MTREX: variants seen among roughly 807,000 people sequenced by gnomAD.
MTREX encodes exosome RNA helicase MTR4.
MTREX carries 76 observed loss-of-function variants against 135.4 expected under a neutral mutation model. The observed-to-expected ratio is 0.56, with a 90% CI of 0.47 to 0.68. MTREX has a LOEUF of 0.68. MTREX is among the 30% of genes least tolerant of loss of function. The pLI is 0.00. For missense variants in MTREX, 920 were observed against 1,262.1 expected (o/e 0.73, Z 4.11); for synonymous variants, 404 against 401.6 (o/e 1.01, Z -0.07).
At chr5:55,397,081 T>G (rs568663441) in intron 19 of MTREX, among the ~76,000 whole-genome samples, 1 of 152,242 alleles carries the variant, frequency 6.6e-6, no homozygotes, top group Non-Finnish European at 1.5e-5. Context: ...CTTAGTACTA[T>G]AGTACCTTTA....
chr5:55,358,335 A>G (rs1490934156), intron 14 of MTREX, among the ~76,000 whole-genome samples: 2 of 152,190 alleles, frequency 1.3e-5, no homozygotes, highest in Admixed American at 6.5e-5. Context: ...CAAAATGATA[A>G]TAAGTCTAAA....
At chr5:55,419,519 G>C (rs1751021816) in intron 25 of MTREX, among the ~76,000 whole-genome samples, 1 of 152,158 alleles carries the variant, frequency 6.6e-6, no homozygotes, top group Admixed American at 6.5e-5. Context: ...AAAAATGACA[G>C]AATTTAGCTG....
intron 1 of MTREX, among the ~76,000 whole-genome samples, chr5:55,315,382 T>C (rs1303907112): frequency 6.6e-6 from 1 of 152,238 alleles, no homozygotes; most frequent in Non-Finnish European, 1.5e-5. Flanking sequence ...TTTTTTGTCA[T>C]GTTTTCTTCA....
intron 21 of MTREX, 82 bp from the exon 22 acceptor site, chr5:55,405,343 T>C: frequency 8.2e-7 from 1 of 1,217,150 alleles, no homozygotes; most frequent in Non-Finnish European, 1.2e-6. Flanking sequence ...TAAAAATATT[T>C]TTTGTTTGAT....
Position 55,425,410 on chromosome 5 carries a change from C to A in MTREX, c.*638C>A. The A allele has an allele frequency of 7.5e-7, 1 of 1,326,138 alleles. No individual in the cohort carries two copies. Among genetic ancestry groups the A allele is most frequent in the Admixed American group, 2.3e-5 (1 of 44,330 alleles). The allele number at this position is 1,326,138 out of a possible 1,614,324, so 82.1% of individuals were successfully genotyped here. ...ATACAAAGTTGTGATCAACAGCATC[C>A]TAAGATAAATATAAACAAAAGGATA... On this transcript the variant is annotated 3_prime_UTR_variant, in exon 27 of 27. Coordinates refer to ENST00000230640, the MANE Select transcript of MTREX (RefSeq NM_015360.5).
At chr5:55,364,793 A>C (rs1400831728) in intron 15 of MTREX, among the ~76,000 whole-genome samples, 1 of 151,026 alleles carries the variant, frequency 6.6e-6, no homozygotes, top group East Asian at 2.0e-4. Flanking sequence ...AAAAAGGGAG[A>C]GAGAACGCAG....
intron 1 of MTREX, among the ~76,000 whole-genome samples, chr5:55,310,174 G>C (rs1477044369): frequency 2.0e-5 from 3 of 152,102 alleles, no homozygotes; most frequent in African/African-American, 7.2e-5. Context: ...GTGAAAAGAG[G>C]AAATAAAAAT....
rs190476974 is a variant in MTREX, at chr5:55,393,421, C to T, written c.2182-3995C>T. On this transcript the variant is annotated intron_variant, in intron 19 of 26. Transcript: ENST00000230640. ...ACATTGGTTAAAATAACTGTGTGTG[C>T]CATGACTTGATTAAAATTCAGTTGG... 4.0e-3 allele frequency among the ~76,000 whole-genome samples: 611 copies of T among 152,240 alleles called. 4 individuals carry two copies. Among genetic ancestry groups the T allele is most frequent in the African/African-American group, 0.014 (583 of 41,542 alleles).
chr5:55,415,043 A>G (rs1005461919), intron 24 of MTREX, among the ~76,000 whole-genome samples: 1 of 151,596 alleles, frequency 6.6e-6, no homozygotes, highest in African/African-American at 2.4e-5. Context: ...CTCTCTTACT[A>G]TTTTCATAGG....
rs532031808 is a variant in MTREX, at chr5:55,341,404, C to G, written c.691-277C>G. On this transcript the variant is annotated intron_variant, in intron 6 of 26. Transcript: ENST00000230640. ...TATGGAGAGTAGGGGTGATAATTCTCTCTGTGGATTGTATCTGATTAGTAA... is the reference window on the plus strand; with the variant it reads ...TATGGAGAGTAGGGGTGATAATTCTGTCTGTGGATTGTATCTGATTAGTAA... 3.3e-5 allele frequency among the ~76,000 whole-genome samples: 5 copies of G among 152,146 alleles called. No individual in the cohort carries two copies. The South Asian group carries it at 1.0e-3, about 32-fold the overall frequency.
chr5:55,372,778 T>C (rs576220582), intron 16 of MTREX, among the ~76,000 whole-genome samples: 1 of 152,082 alleles, frequency 6.6e-6, no homozygotes, highest in African/African-American at 2.4e-5. Flanking sequence ...GGAAAAAACA[T>C]AGGTGTGAAT....
intron 23 of MTREX, among the ~76,000 whole-genome samples, chr5:55,412,712 A>G (rs929880662): frequency 3.9e-5 from 6 of 152,236 alleles, no homozygotes; most frequent in Admixed American, 6.5e-5. Flanking sequence ...TGTTAAAATC[A>G]CAATTAACCT....
intron 16 of MTREX, among the ~76,000 whole-genome samples, chr5:55,373,644 C>A (rs1750243474): frequency 6.6e-6 from 1 of 151,854 alleles, no homozygotes; most frequent in African/African-American, 2.4e-5. Flanking sequence ...AATAATCAGA[C>A]ATAAAGAGGA....
intron 19 of MTREX, among the ~76,000 whole-genome samples, chr5:55,394,639 C>T (rs1463973509): frequency 1.3e-5 from 2 of 152,216 alleles, no homozygotes; most frequent in African/African-American, 4.8e-5. Flanking sequence ...CTCTCCCCCA[C>T]CACTCTTGCT....
At position 55,376,433 on chromosome 5, in the gene MTREX, G is replaced by T. The variant is rs150264779; in HGVS notation, c.1811-1881G>T. On this transcript the variant is annotated intron_variant, in intron 16 of 26. Transcript: ENST00000230640. ...TTGTTGAGAATTCCACATTTGGGTGGAATTGGCTTACCAATCATTAACAAA... is the reference window on the plus strand; with the variant it reads ...TTGTTGAGAATTCCACATTTGGGTGTAATTGGCTTACCAATCATTAACAAA... Among the ~76,000 whole-genome samples, 217 of 152,292 alleles carry T rather than the reference G, an allele frequency of 1.4e-3. 2 individuals carry two copies. The highest frequency in any genetic ancestry group is 4.8e-3 in the African/African-American group (201 of 41,544).
chr5:55,381,357 C>T (rs1750394248), intron 18 of MTREX, among the ~76,000 whole-genome samples: 1 of 152,000 alleles, frequency 6.6e-6, no homozygotes, highest in Non-Finnish European at 1.5e-5. Context: ...CTTGAGATAC[C>T]TCTTCTTTTT....
intron 18 of MTREX, among the ~76,000 whole-genome samples, chr5:55,385,050 T>TA (rs1294182713): frequency 6.6e-6 from 1 of 152,206 alleles, no homozygotes; most frequent in African/African-American, 2.4e-5. Flanking sequence ...CAGGCTCTGT[T>TA]ACAAATAAAA....
rs1215654874 is a variant in MTREX, at chr5:55,308,195, G to T, written c.134+48G>T. 1.9e-6 allele frequency: 3 copies of T among 1,539,474 alleles called. No individual in the cohort carries two copies. In the Admixed American group the frequency reaches 6.4e-5, roughly 33 times the overall value. The stretch of plus-strand genomic sequence containing the variant: ...TGCTTTTATTTTTTTTCTCGGTGGG[G>T]AGGAAGAAAACACTACTCTCTTAGG... On this transcript the variant is annotated intron_variant, in intron 1 of 26. Coordinates refer to ENST00000230640, the MANE Select transcript of MTREX (RefSeq NM_015360.5).
chr5:55,405,540 C>A lies in MTREX; in HGVS notation c.2597C>A (p.Ser866Tyr). 6.2e-7 allele frequency: 1 copy of A among 1,613,860 alleles called. No individual in the cohort carries two copies. The highest frequency in any genetic ancestry group is 8.5e-7 in the Non-Finnish European group (1 of 1,179,866). Residue 866 changes from serine to tyrosine, a missense_variant, in exon 22 of 27, where the codon TCT (serine) becomes TAT (tyrosine). By Grantham distance (144) the Ser-to-Tyr change is moderately radical. This residue lies in a region of MTREX where 467 missense variants were observed against 589.7 expected (regional missense o/e 0.79). Transcript: ENST00000230640. The part of the protein sequence containing the change: ...RVLRRLGFAT[S>Y]SDVIEMKGRV... ...TTAAGAAGGTTGGGATTTGCTACTT[C>A]TTCTGATGTAATAGAGATGAAAGGA...
Sources: gnomAD v4.1 joint callset for allele counts (sites outside exome capture counted in the v4.1 genomes callset) on GRCh38, gnomAD v4.1.1 for gene constraint, gnomAD v4.1.1 regional missense constraint, MANE v1.5 for transcripts, NCBI Gene and HGNC (gene_info 2026-07-23, HGNC 2026-07-21) for gene names.